MYO1D: variants seen among roughly 807,000 people sequenced by gnomAD.
MYO1D encodes unconventional myosin-Id.
Under a neutral mutation model 122.0 loss-of-function variants are expected in MYO1D, and 83 were observed. That is an observed-to-expected ratio of 0.68 (90% CI 0.57 to 0.82). The LOEUF (loss-of-function observed/expected upper bound fraction) is 0.82, where lower values mean the gene tolerates loss of function less well. Among genes scored for constraint, MYO1D ranks in the 40% least tolerant of loss-of-function variants. MYO1D has a pLI of 0.00. For synonymous variants in MYO1D, 464 were observed against 446.9 expected, an observed-to-expected ratio of 1.04 and a Z score of -0.48; for missense variants, 1,157 against 1,269.5, an observed-to-expected ratio of 0.91 and a Z score of 1.35.
chr17:32,706,988 G>A (rs954947135), intron 16 of MYO1D, among the ~76,000 whole-genome samples: 2 of 152,002 alleles, frequency 1.3e-5, no homozygotes, highest in African/African-American at 4.8e-5. Context: ...GAGCCACTGC[G>A]CCCAGCCTCC....
chr17:32,492,739 T>G lies in MYO1D; in HGVS notation c.*2020A>C, dbSNP rs557657235. The G allele has an allele frequency of 5.9e-5, 9 of 152,766 alleles. No homozygotes were observed. The East Asian group carries it at 1.5e-3, about 26-fold the overall frequency. The allele number at this position is 152,766 out of a possible 1,614,324, so 9.5% of individuals were successfully genotyped here. ...ATTTCATTACATCAAGAGAACCCCCTCATTGTCTACAATCATGCCCGCTTC... is the reference window on the plus strand; with the variant it reads ...ATTTCATTACATCAAGAGAACCCCCGCATTGTCTACAATCATGCCCGCTTC... On this transcript the variant is annotated 3_prime_UTR_variant, in exon 22 of 22. Coordinates refer to ENST00000318217, the MANE Select transcript of MYO1D (RefSeq NM_015194.3).
At chr17:32,588,708 G>A (rs1417606683) in intron 21 of MYO1D, among the ~76,000 whole-genome samples, 1 of 152,090 alleles carries the variant, frequency 6.6e-6, no homozygotes, top group Non-Finnish European at 1.5e-5. Flanking sequence ...TCCGAACTTT[G>A]GGAGGCCGAC....
At chr17:32,746,627 T>C (rs1158653207) in intron 12 of MYO1D, among the ~76,000 whole-genome samples, 1 of 152,212 alleles carries the variant, frequency 6.6e-6, no homozygotes, top group African/African-American at 2.4e-5. Flanking sequence ...TATATGTATA[T>C]ACGTATGTAT....
intron 21 of MYO1D, among the ~76,000 whole-genome samples, chr17:32,524,564 C>CT (rs11323072): frequency 0.38 from 45,490 of 119,266 alleles, 9,979 homozygotes; most frequent in Middle Eastern, 0.5. Flanking sequence ...CTGATTAATT[C>CT]TTTTTTTTTT....
At chr17:32,668,085 T>C (rs945427373) in intron 16 of MYO1D, among the ~76,000 whole-genome samples, 5 of 152,240 alleles carry the variant, frequency 3.3e-5, no homozygotes, top group African/African-American at 1.2e-4. Flanking sequence ...TGTGGAGCTG[T>C]AGGAAAGTGA....
chr17:32,644,508 G>A (rs1280343909), intron 19 of MYO1D, among the ~76,000 whole-genome samples: 1 of 152,174 alleles, frequency 6.6e-6, no homozygotes, highest in Non-Finnish European at 1.5e-5. Context: ...AGTGTTGACA[G>A]TGGGGTGTTA....
At chr17:32,845,082 G>T (rs994874334) in intron 1 of MYO1D, among the ~76,000 whole-genome samples, 2 of 150,902 alleles carry the variant, frequency 1.3e-5, no homozygotes, top group African/African-American at 4.9e-5. Flanking sequence ...CCAAAACATT[G>T]TCGATGGCTA....
intron 21 of MYO1D, among the ~76,000 whole-genome samples, chr17:32,502,430 T>C (rs897229483): frequency 3.3e-5 from 5 of 152,126 alleles, no homozygotes; most frequent in African/African-American, 7.2e-5. Flanking sequence ...AGGGACTGCT[T>C]AGAGGGCATA....
rs112379771 is a variant in MYO1D, at chr17:32,530,677, T to C, written c.2865-35762A>G. Reference sequence around the variant, plus strand: ...TCAGCCAGGTGTGGTGGTGCATGCCTGTAGTCCCAGCTACTTGGGAGGCTG... The same window carrying C: ...TCAGCCAGGTGTGGTGGTGCATGCCCGTAGTCCCAGCTACTTGGGAGGCTG... On this transcript the variant is annotated intron_variant, in intron 21 of 21. Coordinates refer to ENST00000318217, the MANE Select transcript of MYO1D (RefSeq NM_015194.3). Among the ~76,000 whole-genome samples, 44 of 152,294 alleles carry C rather than the reference T, an allele frequency of 2.9e-4. 1 individual carries two copies. The highest frequency in any genetic ancestry group is 8.7e-4 in the African/African-American group (36 of 41,560).
chr17:32,815,910 AG>A (rs778105356), intron 1 of MYO1D, among the ~76,000 whole-genome samples: 5 of 152,234 alleles, frequency 3.3e-5, no homozygotes. Context: ...TTTGTTTACT[AG>A]TATCAATAAC....
At position 32,494,810 on chromosome 17, in the gene MYO1D, G is replaced by A. The variant is rs758776080; in HGVS notation, c.2970C>T (p.Pro990=). ...SVETRLNQPQ[P]DFTKNRSGFI... is the part of the protein sequence containing the mutation. ...AGCCCGAGCGATTCTTGGTGAAGTC[G>A]GGCTGGGGCTGGTTGAGCCGCGTCT... Residue 990 remains proline (P), a synonymous_variant, in exon 22 of 22, where the codon CCC becomes CCT. Transcript: ENST00000318217. 4.3e-6 allele frequency: 7 copies of A among 1,613,380 alleles called. No individual in the cohort carries two copies. Among genetic ancestry groups the A allele is most frequent in the Non-Finnish European group, 5.9e-6 (7 of 1,179,700 alleles).
intron 21 of MYO1D, among the ~76,000 whole-genome samples, chr17:32,512,524 A>C (rs1015610898): frequency 2.6e-5 from 4 of 152,072 alleles, no homozygotes; most frequent in African/African-American, 9.7e-5. Flanking sequence ...GCTCCCTGCA[A>C]GGGTGTGGCC....
intron 7 of MYO1D, 134 bp downstream of exon 7, chr17:32,767,502 T>G (rs572801301): frequency 2.3e-4 from 132 of 567,468 alleles, no homozygotes; most frequent in Middle Eastern, 1.1e-3. Flanking sequence ...ACCACAGACA[T>G]AGTAATTTCT....
chr17:32,691,271 A>C (rs1303939962), intron 16 of MYO1D, among the ~76,000 whole-genome samples: 1 of 151,958 alleles, frequency 6.6e-6, no homozygotes, highest in East Asian at 1.9e-4. Flanking sequence ...AAAAAAAAAA[A>C]AAAAGAACTT....
intron 16 of MYO1D, among the ~76,000 whole-genome samples, chr17:32,697,510 C>T (rs985829989): frequency 1.1e-4 from 17 of 152,132 alleles, no homozygotes; most frequent in Non-Finnish European, 2.1e-4. Context: ...AGTAGCATAC[C>T]CCAGCTTCCT....
chr17:32,696,278 T>A (rs1482837616), intron 16 of MYO1D, among the ~76,000 whole-genome samples: 1 of 152,088 alleles, frequency 6.6e-6, no homozygotes, highest in Non-Finnish European at 1.5e-5. Context: ...GGAAATTAAC[T>A]GTGACTTTTA....
At chr17:32,869,834 G>C (rs9897390) in intron 1 of MYO1D, among the ~76,000 whole-genome samples, 7,593 of 152,240 alleles carry the variant, frequency 0.05, 562 homozygotes, top group African/African-American at 0.16. Flanking sequence ...TCAGGAGGCT[G>C]AAGTAGGAGG....
At chr17:32,578,456 G>A (rs2087298938) in intron 21 of MYO1D, among the ~76,000 whole-genome samples, 2 of 152,194 alleles carry the variant, frequency 1.3e-5, no homozygotes, top group Admixed American at 1.3e-4. Flanking sequence ...GCCGAGTTTA[G>A]GACATACCCA....
intron 12 of MYO1D, 65 bp downstream of exon 12, chr17:32,748,871 C>T: frequency 1.4e-6 from 2 of 1,391,786 alleles, no homozygotes; most frequent in South Asian, 2.4e-5. Context: ...TACATTTTTC[C>T]TGGTTGTATT....
Sources: gnomAD v4.1 joint callset for allele counts (sites outside exome capture counted in the v4.1 genomes callset) on GRCh38, gnomAD v4.1.1 for gene constraint, MANE v1.5 for transcripts, NCBI Gene and HGNC (gene_info 2026-07-23, HGNC 2026-07-21) for gene names.